Variants in SFI1 observed in about 807,000 individuals in gnomAD.
The protein encoded by SFI1 is protein SFI1 homolog.
In SFI1, 195 loss-of-function variants were observed where a neutral mutation model predicts 207.5. That is an observed-to-expected ratio of 0.94 (90% CI 0.84 to 1.06). SFI1 has a LOEUF of 1.06. Ranked by LOEUF, SFI1 falls within the 50% of genes least tolerant of loss-of-function variation. The pLI, the probability that SFI1 is intolerant of heterozygous loss-of-function variation, is 0.00. For synonymous variants in SFI1, 630 were observed against 598.9 expected (o/e 1.05, Z -0.76); for missense variants, 1,634 against 1,588.0 (o/e 1.03, Z -0.49).
At chr22:31,550,523 T>C (rs1439060722) in intron 6 of SFI1, 175 bp downstream of exon 6, 12 of 576,866 alleles carry the variant, frequency 2.1e-5, no homozygotes, top group Non-Finnish European at 3.7e-5. Flanking sequence ...ACCTGTATGA[T>C]TGATCCCTAT....
chr22:31,563,962 TAATTTAA>T (rs1421382538), intron 8 of SFI1, among the ~76,000 whole-genome samples: 1 of 152,100 alleles, frequency 6.6e-6, no homozygotes, highest in Non-Finnish European at 1.5e-5. Context: ...ATTTTAATTT[TAATTTAA>T]AATTTAAAAT....
At chr22:31,578,639 G>T (rs781690854) in intron 11 of SFI1, among the ~76,000 whole-genome samples, 187 bp downstream of exon 11, 1 of 152,142 alleles carries the variant, frequency 6.6e-6, no homozygotes, top group Non-Finnish European at 1.5e-5. Context: ...AATGTTGTAG[G>T]GTCAGAGGGG....
rs558069911 is a variant in SFI1 at position 31,499,797 on chromosome 22, T to C, written c.-31+3160T>C. 3.6e-3 allele frequency among the ~76,000 whole-genome samples: 539 copies of C among 151,818 alleles called. 6 individuals are homozygous for C. Among genetic ancestry groups the C allele is most frequent in the Non-Finnish European group, 6.0e-3 (408 of 67,910 alleles). The stretch of plus-strand genomic sequence containing the variant: ...TGAGGTCAGGAGTTCGAGACCAGTC[T>C]GGCCAACATGGTGAAACCCCGTCTC... On this transcript the variant is annotated intron_variant, in intron 1 of 32. Coordinates refer to ENST00000400288, the MANE Select transcript of SFI1 (RefSeq NM_001007467.3).
At chr22:31,612,980 T>G in intron 24 of SFI1, 162 bp from the exon 25 acceptor site, 1 of 667,834 alleles carries the variant, frequency 1.5e-6, no homozygotes, top group Non-Finnish European at 2.5e-6. Flanking sequence ...GAGCGTGTGT[T>G]GAGCATCTCA....
intron 12 of SFI1, among the ~76,000 whole-genome samples, chr22:31,582,836 C>T (rs2064511767): frequency 6.6e-6 from 1 of 152,172 alleles, no homozygotes; most frequent in African/African-American, 2.4e-5. Flanking sequence ...TGGCTTATTT[C>T]ACTTAGCATA....
Position 31,580,258 on chromosome 22 carries a change from CT to C in SFI1, c.1156-11del. On this transcript the variant is annotated splice_polypyrimidine_tract_variant and intron_variant, in intron 11 of 32. Coordinates refer to ENST00000400288, the MANE Select transcript of SFI1 (RefSeq NM_001007467.3). ...CCCAGTCCTTGTAATCAGTTGTGTC[CT>C]TTCTTTGCACAGTATTTTTGCTTTA... 6.2e-7 allele frequency: 1 copy of C among 1,607,144 alleles called. No homozygotes were observed.
chr22:31,618,244 C>A lies in SFI1; in HGVS notation c.3624+18C>A. 3.8e-6 allele frequency: 6 copies of A among 1,596,078 alleles called. No individual in the cohort carries two copies. The highest frequency in any genetic ancestry group is 5.1e-6 in the Non-Finnish European group (6 of 1,172,538). ...TGGAACAGGTGAGGCCCCAGGCCAT[C>A]CCCAGGTGTCCCTGGGGACGCCCCG... On this transcript the variant is annotated intron_variant, in intron 32 of 32. Coordinates refer to ENST00000400288, the MANE Select transcript of SFI1 (RefSeq NM_001007467.3).
At chr22:31,559,907 G>A in intron 7 of SFI1, 1 of 637,312 alleles carries the variant, frequency 1.6e-6, no homozygotes. Context: ...TGGCCACCAT[G>A]GCTGTACCAT....
At chr22:31,528,068 G>A (rs1177867767) in intron 2 of SFI1, among the ~76,000 whole-genome samples, 1 of 151,924 alleles carries the variant, frequency 6.6e-6, no homozygotes, top group Non-Finnish European at 1.5e-5. Flanking sequence ...AGCTGAGATC[G>A]CGCCACTGCA....
intron 14 of SFI1, among the ~76,000 whole-genome samples, chr22:31,588,822 A>C (rs974370819): frequency 2.0e-5 from 3 of 151,898 alleles, no homozygotes; most frequent in Non-Finnish European, 4.4e-5. Flanking sequence ...AAAAAAAAAA[A>C]AACAAAAAAC....
intron 8 of SFI1, among the ~76,000 whole-genome samples, chr22:31,571,143 G>A (rs951422698): frequency 2.6e-5 from 4 of 152,112 alleles, no homozygotes; most frequent in African/African-American, 9.7e-5. Flanking sequence ...GTCTAGAGAG[G>A]GGTGTTGCTT....
chr22:31,607,270 C>A (rs1374474664), intron 21 of SFI1, among the ~76,000 whole-genome samples: 1 of 152,050 alleles, frequency 6.6e-6, no homozygotes. Flanking sequence ...ATCACTCATA[C>A]AAAAGAATGT....
rs1209344912 is a variant in SFI1 at position 31,611,813 on chromosome 22, G to A, written c.2463G>A (p.Arg821=). ...STQLLAQRLS[R]TCFRQWRQQL... is the part of the protein sequence containing the mutation. ...AACTGCTGGCACAGAGACTCAGCCG[G>A]ACCTGCTTCCGCCAGTGGAGACAAC... The change falls in exon 24 of 33, where the codon CGG becomes CGA. Residue 821 remains arginine (R), a synonymous_variant. Transcript: ENST00000400288. 4 of 1,613,854 alleles carry A rather than the reference G, an allele frequency of 2.5e-6. No homozygotes were observed. The highest frequency in any genetic ancestry group is 3.3e-5 in the Admixed American group (2 of 60,008).
Position 31,559,514 on chromosome 22 carries a change from G to A in SFI1, c.663-1776G>A, listed in dbSNP as rs1354976686. The A allele has an allele frequency of 1.7e-5, 9 of 539,290 alleles. No individual in the cohort carries two copies. The East Asian group carries it at 2.3e-4, about 14-fold the overall frequency. 33.4% of individuals were successfully genotyped at this position (539,290 alleles called of 1,614,324 possible). ...CTAGTGATCCCTGAAAAGTTCCAGC[G>A]TATTTTGCGAATACTCAACAGCAAC... On this transcript the variant is annotated intron_variant, in intron 7 of 32. Transcript: ENST00000400288.
chr22:31,558,768 C>T (rs113840806), intron 7 of SFI1, among the ~76,000 whole-genome samples: 5 of 151,760 alleles, frequency 3.3e-5, no homozygotes, highest in South Asian at 2.1e-4. Flanking sequence ...TGAGCCACCG[C>T]GCCTGGCCTG....
At chr22:31,549,739 A>G (rs1029916627) in intron 5 of SFI1, among the ~76,000 whole-genome samples, 1 of 151,868 alleles carries the variant, frequency 6.6e-6, no homozygotes, top group Non-Finnish European at 1.5e-5. Flanking sequence ...CCTCAGTGAC[A>G]CTTTAAGGTA....
chr22:31,561,769 T>G (rs1369161547), intron 8 of SFI1, among the ~76,000 whole-genome samples: 1 of 152,370 alleles, frequency 6.6e-6, no homozygotes, highest in South Asian at 2.1e-4. Flanking sequence ...AAAACCTGTC[T>G]TCCTTTTCTT....
chr22:31,496,233 G>C (rs1020344136), upstream of SFI1: 5 of 152,350 alleles, frequency 3.3e-5, no homozygotes, highest in Non-Finnish European at 5.9e-5. Context: ...TCGGGGTTCC[G>C]CCTCGGAATA....
At chr22:31,574,253 G>A (rs958740491) in intron 9 of SFI1, among the ~76,000 whole-genome samples, 9 of 152,182 alleles carry the variant, frequency 5.9e-5, no homozygotes, top group African/African-American at 1.7e-4. Context: ...GTTTGAATAT[G>A]TTCATTGGAG....
Sources: gnomAD v4.1 joint callset for allele counts (sites outside exome capture counted in the v4.1 genomes callset) on GRCh38, gnomAD v4.1.1 for gene constraint, MANE v1.5 for transcripts, NCBI Gene and HGNC (gene_info 2026-07-23, HGNC 2026-07-21) for gene names.